SORCS2: variants seen among roughly 807,000 people sequenced by gnomAD.
SORCS2 encodes sortilin related VPS10 domain containing receptor 2.
In SORCS2, 100 loss-of-function variants were observed where a neutral mutation model predicts 141.6. The observed-to-expected ratio is 0.71, with a 90% CI of 0.60 to 0.83. SORCS2 has a LOEUF of 0.83. SORCS2 is among the 40% of genes least tolerant of loss of function. SORCS2 has a pLI of 0.00. For missense variants in SORCS2, 1,646 were observed against 1,560.2 expected (o/e 1.05, Z -0.93); for synonymous variants, 789 against 676.9 (o/e 1.17, Z -2.57).
At chr4:7,522,372 A>G (rs981136142) in intron 2 of SORCS2, among the ~76,000 whole-genome samples, 1 of 152,194 alleles carries the variant, frequency 6.6e-6, no homozygotes, top group African/African-American at 2.4e-5. Flanking sequence ...GCAGACAGCA[A>G]TTTTCCAACT....
intron 1 of SORCS2, among the ~76,000 whole-genome samples, chr4:7,244,478 G>A (rs1311226914): frequency 6.6e-6 from 1 of 152,296 alleles, no homozygotes; most frequent in Admixed American, 6.5e-5. Context: ...CCCCTCGGTC[G>A]CTGTTGCATA....
At chr4:7,557,540 A>G (rs903686104) in intron 3 of SORCS2, among the ~76,000 whole-genome samples, 51 of 152,226 alleles carry the variant, frequency 3.4e-4, no homozygotes, top group African/African-American at 1.2e-3. Flanking sequence ...ATAACCAACT[A>G]TGGAGACTGA....
Position 7,193,269 on chromosome 4 carries a change from C to T in SORCS2, c.480+143C>T, listed in dbSNP as rs775578001. On this transcript the variant is annotated intron_variant, in intron 1 of 26. Transcript: ENST00000507866. This position sits in a 1 kb window ranked among gnomAD's most constrained non-coding sequence, Gnocchi z 4.8. ...GGCGACTTGGGCACTTGGGTCACCT[C>T]GGCCGCGCCCCTACTGGCCTCTGGT... The T allele has an allele frequency of 2.4e-5, 27 of 1,113,800 alleles. No homozygotes were observed. Among genetic ancestry groups the T allele is most frequent in the East Asian group, 3.2e-5 (1 of 30,946 alleles). 69.0% of individuals were successfully genotyped at this position (1,113,800 alleles called of 1,614,324 possible).
intron 1 of SORCS2, among the ~76,000 whole-genome samples, chr4:7,380,835 C>T (rs1722940286): frequency 6.6e-6 from 1 of 152,188 alleles, no homozygotes; most frequent in Admixed American, 6.5e-5. Flanking sequence ...CCTGTAATCC[C>T]AACACTTTGG....
chr4:7,433,297 G>C, intron 2 of SORCS2: 1 of 1,372,124 alleles, frequency 7.3e-7, no homozygotes, highest in Non-Finnish European at 9.4e-7. Flanking sequence ...CAGGCTCTGG[G>C]TCTCTGGCAG....
At chr4:7,211,574 T>C (rs1577280256) in intron 1 of SORCS2, among the ~76,000 whole-genome samples, 1 of 152,120 alleles carries the variant, frequency 6.6e-6, no homozygotes, top group South Asian at 2.1e-4. Flanking sequence ...AGTTTCACCA[T>C]ATTGGCCAGG....
chr4:7,468,706 T>A (rs1426358765), intron 2 of SORCS2, among the ~76,000 whole-genome samples: 1 of 152,262 alleles, frequency 6.6e-6, no homozygotes, highest in African/African-American at 2.4e-5. Context: ...CTGCTTATTT[T>A]GGATCCTAAC....
At chr4:7,395,861 G>C (rs561380925) in intron 1 of SORCS2, among the ~76,000 whole-genome samples, 5 of 152,278 alleles carry the variant, frequency 3.3e-5, no homozygotes, top group Admixed American at 1.3e-4. Context: ...TTTCCAGCAG[G>C]CTTAGGGGAT....
At chr4:7,394,677 G>A (rs767124214) in intron 1 of SORCS2, among the ~76,000 whole-genome samples, 1 of 152,184 alleles carries the variant, frequency 6.6e-6, no homozygotes, top group Admixed American at 6.5e-5. Context: ...ACTGTCCACA[G>A]TGGCAGAGCT....
At chr4:7,266,350 T>C (rs1459032649) in intron 1 of SORCS2, among the ~76,000 whole-genome samples, 3 of 152,184 alleles carry the variant, frequency 2.0e-5, no homozygotes, top group African/African-American at 4.8e-5. Flanking sequence ...CTGGCTTGTT[T>C]CGGGAGCAGC....
At chr4:7,685,357 G>A (rs779933202) in intron 10 of SORCS2, among the ~76,000 whole-genome samples, 27 of 152,152 alleles carry the variant, frequency 1.8e-4, no homozygotes, top group African/African-American at 3.9e-4. Context: ...TGGAGCCCAC[G>A]TGGGTACAAC....
chr4:7,574,244 T>G (rs151095001), intron 3 of SORCS2, among the ~76,000 whole-genome samples: 1 of 152,286 alleles, frequency 6.6e-6, no homozygotes, highest in African/African-American at 2.4e-5. Context: ...GGAGGTGAGG[T>G]GCAGCGAGGG....
At chr4:7,236,058 G>A (rs1024445195) in intron 1 of SORCS2, among the ~76,000 whole-genome samples, 6 of 152,322 alleles carry the variant, frequency 3.9e-5, no homozygotes, top group African/African-American at 1.4e-4. Context: ...GCATGTAATA[G>A]CTTCTGATGG....
rs141238174 is a variant in SORCS2 at position 7,525,346 on chromosome 4, TG to T, written c.549-6183del. On this transcript the variant is annotated intron_variant, in intron 2 of 26. Transcript: ENST00000507866. The stretch of plus-strand genomic sequence containing the variant: ...CAGCCTTTTTTGTTGATAAGGACCC[TG>T]AAGATGCCTGATTCCAATCCTCTGA... Among the ~76,000 whole-genome samples the T allele has an allele frequency of 1.1e-4, 16 of 152,194 alleles. No homozygotes were observed. In the East Asian group the frequency reaches 2.9e-3, roughly 28 times the overall value.
chr4:7,694,849 C>T (rs1724492302), intron 11 of SORCS2, among the ~76,000 whole-genome samples: 1 of 152,172 alleles, frequency 6.6e-6, no homozygotes, highest in Non-Finnish European at 1.5e-5. Context: ...GCTCCCTCTT[C>T]CTTGGACACC....
chr4:7,695,921 TGGATTGGTG>T lies in SORCS2; in HGVS notation c.1592-1274_1592-1266del, dbSNP rs1560490963. ...ATGGATGGATGGATGGATGGATGGA[TGGATTGGTG>T]GGTGGGTGGGTGGATGGATGGATGG... On this transcript the variant is annotated intron_variant, in intron 11 of 26. Coordinates refer to ENST00000507866, the MANE Select transcript of SORCS2 (RefSeq NM_020777.3). Among the ~76,000 whole-genome samples the T allele has an allele frequency of 2.0e-4, 22 of 112,466 alleles. 1 individual carries two copies. Among genetic ancestry groups the T allele is most frequent in the African/African-American group, 6.6e-4 (20 of 30,454 alleles). The allele number at this position is 112,466 out of a possible 152,430, so 73.8% of individuals were successfully genotyped here.
intron 2 of SORCS2, among the ~76,000 whole-genome samples, chr4:7,430,104 G>A (rs1037192917): frequency 3.9e-5 from 6 of 152,140 alleles, no homozygotes; most frequent in African/African-American, 1.2e-4. Context: ...GAGGTCACGG[G>A]AAGTGAAAGT....
At chr4:7,586,983 T>C (rs2108768157) in intron 3 of SORCS2, among the ~76,000 whole-genome samples, 1 of 152,092 alleles carries the variant, frequency 6.6e-6, no homozygotes, top group South Asian at 2.1e-4. Context: ...TCAGAGTACA[T>C]GCAGGAGAGT....
intron 2 of SORCS2, among the ~76,000 whole-genome samples, chr4:7,472,036 G>A (rs1437773990): frequency 1.3e-5 from 2 of 152,230 alleles, no homozygotes; most frequent in Non-Finnish European, 2.9e-5. Context: ...ACCTCTCTGA[G>A]ATGGGGTCTA....
Sources: gnomAD v4.1 joint callset for allele counts (sites outside exome capture counted in the v4.1 genomes callset) on GRCh38, gnomAD v4.1.1 for gene constraint, Gnocchi (gnomAD v3.1) non-coding constraint, MANE v1.5 for transcripts, NCBI Gene and HGNC (gene_info 2026-07-23, HGNC 2026-07-21) for gene names.